Variants in THRB observed in about 807,000 individuals in gnomAD.
THRB encodes the protein thyroid hormone receptor beta, also known as nuclear receptor subfamily 1 group A member 2.
A neutral mutation model predicts 47.8 loss-of-function variants in THRB; 12 were observed. That is an observed-to-expected ratio of 0.25 (90% confidence interval 0.16 to 0.41). The LOEUF (loss-of-function observed/expected upper bound fraction) is 0.41, where lower values mean the gene tolerates loss of function less well. THRB is among the 10% of genes least tolerant of loss of function. THRB has a pLI of 1.00. For synonymous variants in THRB, 218 were observed against 212.2 expected (o/e 1.03, Z -0.24); for missense variants, 348 against 589.2 (o/e 0.59, Z 4.24).
At chr3:24,467,809 C>A (rs535958782) in intron 1 of THRB, among the ~76,000 whole-genome samples, 3 of 152,264 alleles carry the variant, frequency 2.0e-5, no homozygotes, top group Non-Finnish European at 4.4e-5. Flanking sequence ...CTCAGGTATT[C>A]ATAATGGCAA....
chr3:24,473,928 G>A (rs1027602193), intron 1 of THRB, among the ~76,000 whole-genome samples: 21 of 152,138 alleles, frequency 1.4e-4, no homozygotes, highest in Admixed American at 2.6e-4. Flanking sequence ...ACAGGGAGGG[G>A]AACATCATAC....
chr3:24,481,229 GTTTTTTTTTTTTTTTT>G (rs746323691), intron 1 of THRB, among the ~76,000 whole-genome samples: 1 of 55,380 alleles, frequency 1.8e-5, no homozygotes, highest in East Asian at 5.3e-4. Flanking sequence ...GTTTCTTTCT[GTTTTTTTTTTTTTTTT>G]TTTTTTTTTT....
At chr3:24,435,447 T>C (rs571249995) in intron 1 of THRB, among the ~76,000 whole-genome samples, 41 of 152,232 alleles carry the variant, frequency 2.7e-4, no homozygotes, top group African/African-American at 8.2e-4. Context: ...TGTGGCAATA[T>C]GGTCCGGTAG....
At chr3:24,274,699 G>A (rs1438336049) in intron 3 of THRB, among the ~76,000 whole-genome samples, 1 of 152,016 alleles carries the variant, frequency 6.6e-6, no homozygotes, top group African/African-American at 2.4e-5. Flanking sequence ...AAAAGTGAAG[G>A]GAAGATTCAT....
At chr3:24,381,001 G>A (rs771706553) in intron 1 of THRB, among the ~76,000 whole-genome samples, 14 of 151,754 alleles carry the variant, frequency 9.2e-5, no homozygotes, top group Admixed American at 1.3e-4. Context: ...TGTAGTCCCA[G>A]CTACTGTGGA....
intron 1 of THRB, among the ~76,000 whole-genome samples, chr3:24,390,776 T>C (rs907282045): frequency 5.4e-4 from 49 of 90,280 alleles, no homozygotes; most frequent in African/African-American, 1.8e-3. Flanking sequence ...TTCCCAATCT[T>C]TACTTTGTAA....
At chr3:24,209,684 C>T (rs1220281988) in intron 4 of THRB, among the ~76,000 whole-genome samples, 1 of 151,852 alleles carries the variant, frequency 6.6e-6, no homozygotes, top group Non-Finnish European at 1.5e-5. Context: ...ATAGGGTGGG[C>T]GGAGCGGGGA....
intron 1 of THRB, among the ~76,000 whole-genome samples, chr3:24,465,384 G>A (rs758637010): frequency 9.2e-5 from 14 of 152,124 alleles, no homozygotes; most frequent in Non-Finnish European, 1.8e-4. Context: ...AGGATGAGGT[G>A]AAGTGGGAAT....
chr3:24,432,240 G>A (rs1441368124), intron 1 of THRB, among the ~76,000 whole-genome samples: 1 of 152,054 alleles, frequency 6.6e-6, no homozygotes, highest in African/African-American at 2.4e-5. Context: ...AGGAAGGCAG[G>A]CCTCCTTAAC....
chr3:24,288,462 A>G (rs1362594681), intron 3 of THRB, among the ~76,000 whole-genome samples: 1 of 152,194 alleles, frequency 6.6e-6, no homozygotes, highest in African/African-American at 2.4e-5. Flanking sequence ...ACTTTCTGTG[A>G]GTATGTGACT....
In THRB at chr3:24,340,488, T is replaced by TC. The variant is rs938384132; in HGVS notation, c.-260-3118_-260-3117insG. 1.4e-4 allele frequency among the ~76,000 whole-genome samples: 16 copies of TC among 112,106 alleles called. 1 individual carries two copies. The East Asian group carries it at 3.4e-3, about 24-fold the overall frequency. 73.5% of individuals were successfully genotyped at this position (112,106 alleles called of 152,430 possible). ...ATTGATTGCATTGTATTAGTGGCCT[T>TC]TTTTTTTTTGTAAAGTGCTTATTCA... On this transcript the variant is annotated intron_variant, in intron 1 of 10. Coordinates refer to ENST00000646209, the MANE Select transcript of THRB (RefSeq NM_001354712.2).
chr3:24,388,073 T>C (rs930862913), intron 1 of THRB, among the ~76,000 whole-genome samples: 5 of 152,052 alleles, frequency 3.3e-5, no homozygotes, highest in Admixed American at 3.3e-4. Context: ...ATATAACTGA[T>C]TTCCCAGCTA....
chr3:24,314,500 T>A, intron 2 of THRB, among the ~76,000 whole-genome samples: 1 of 152,220 alleles, frequency 6.6e-6, no homozygotes, highest in East Asian at 1.9e-4. Context: ...ATAAATGTAT[T>A]TTCTGAGGAG....
chr3:24,482,519 C>CTT (rs1306518683), intron 1 of THRB, among the ~76,000 whole-genome samples: 1 of 150,124 alleles, frequency 6.7e-6, no homozygotes, highest in African/African-American at 2.5e-5. Flanking sequence ...TTCGTTCTTT[C>CTT]TTTCTTTCTT....
chr3:24,305,239 TCCTCCCCTGAGA>T (rs2057253616), intron 2 of THRB, among the ~76,000 whole-genome samples: 1 of 152,112 alleles, frequency 6.6e-6, no homozygotes, highest in South Asian at 2.1e-4. Flanking sequence ...AGATTATCTG[TCCTCCCCTGAGA>T]CCTACTGAAT....
intron 1 of THRB, among the ~76,000 whole-genome samples, chr3:24,397,076 C>G (rs529054224): frequency 4.6e-5 from 7 of 152,180 alleles, no homozygotes; most frequent in African/African-American, 1.7e-4. Flanking sequence ...ACAATTAGAA[C>G]TCAGCATAGA....
intron 3 of THRB, among the ~76,000 whole-genome samples, chr3:24,249,831 C>G (rs375508959): frequency 1.3e-5 from 2 of 152,172 alleles, no homozygotes; most frequent in African/African-American, 4.8e-5. Flanking sequence ...TCATATTTTG[C>G]TACTTCACTC....
chr3:24,341,471 C>T (rs755666419), intron 1 of THRB, among the ~76,000 whole-genome samples: 8 of 151,986 alleles, frequency 5.3e-5, no homozygotes, highest in Non-Finnish European at 1.0e-4. Context: ...TGAGCTCAAG[C>T]GATCTGCCTG....
intron 3 of THRB, among the ~76,000 whole-genome samples, chr3:24,261,533 C>T (rs1272745220): frequency 1.3e-5 from 2 of 149,750 alleles, no homozygotes; most frequent in African/African-American, 4.9e-5. Flanking sequence ...AAAAAACTCT[C>T]TAGATCCCAC....
Sources: gnomAD v4.1 joint callset for allele counts (sites outside exome capture counted in the v4.1 genomes callset) on GRCh38, gnomAD v4.1.1 for gene constraint, MANE v1.5 for transcripts, NCBI Gene and HGNC (gene_info 2026-07-23, HGNC 2026-07-21) for gene names.